Variants in RSAD1 observed in about 807,000 individuals in gnomAD.
The protein encoded by RSAD1 is radical S-adenosyl methionine domain-containing protein 1, mitochondrial.
RSAD1 carries 34 observed loss-of-function variants against 46.2 expected under a neutral mutation model. The observed-to-expected ratio is 0.74, with a 90% CI of 0.56 to 0.98. The LOEUF is 0.98. Among genes scored for constraint, RSAD1 ranks in the 50% least tolerant of loss-of-function variants. The probability of loss-of-function intolerance (pLI) is 0.00; values close to 1 mark genes in which losing one functional copy is unlikely to be tolerated. For synonymous variants in RSAD1, 260 were observed against 253.5 expected, an observed-to-expected ratio of 1.03 and a Z score of -0.24; for missense variants, 635 against 592.3, an observed-to-expected ratio of 1.07 and a Z score of -0.75.
chr17:50,480,910 G>GT (rs1241435891), intron 3 of RSAD1, among the ~76,000 whole-genome samples: 4 of 152,074 alleles, frequency 2.6e-5, no homozygotes, highest in Middle Eastern at 3.5e-3. Context: ...AATTATTGTG[G>GT]TAAGAACAGA....
chr17:50,484,673 C>G, intron 8 of RSAD1, 71 bp from the exon 9 acceptor site: 3 of 1,533,402 alleles, frequency 2.0e-6, no homozygotes, highest in Non-Finnish European at 2.7e-6. Context: ...GCTGGGAGCT[C>G]GGCCCTGCTG....
At chr17:50,479,584 T>C in intron 1 of RSAD1, 45 bp from the exon 2 acceptor site, 1 of 1,610,676 alleles carries the variant, frequency 6.2e-7, no homozygotes. Flanking sequence ...ACCCTGGAAG[T>C]GGCCAGGGCA....
chr17:50,479,803 TGGA>T, intron 2 of RSAD1, 41 bp downstream of exon 2: 4 of 1,590,084 alleles, frequency 2.5e-6, no homozygotes, highest in Non-Finnish European at 3.4e-6. Context: ...GGGAAATATT[TGGA>T]GGAGTGGTGG....
intron 7 of RSAD1, chr17:50,484,076 A>C (rs1048573954): frequency 2.2e-6 from 1 of 453,684 alleles, no homozygotes; most frequent in Non-Finnish European, 3.9e-6. Context: ...AAGGGTTTCC[A>C]CTTGTTTTTA....
chr17:50,479,861 C>G lies in RSAD1; in HGVS notation c.270-19C>G. 6.2e-7 allele frequency: 1 copy of G among 1,605,338 alleles called. No homozygotes were observed. Among genetic ancestry groups the G allele is most frequent in the Non-Finnish European group, 8.5e-7 (1 of 1,174,592 alleles). ...CAGAGGGCTCCCCCAGGTCTCATTT[C>G]TCCATTCTCTTTCCCCAGGGTGGAG... On this transcript the variant is annotated intron_variant, in intron 2 of 8. Transcript: ENST00000258955.
intron 3 of RSAD1, 133 bp from the exon 4 acceptor site, chr17:50,481,958 T>C (rs2143834001): frequency 9.1e-7 from 1 of 1,095,144 alleles, no homozygotes; most frequent in East Asian, 2.8e-5. Flanking sequence ...GGTGCCAGCT[T>C]GACCTTCCCC....
At chr17:50,479,396 T>G (rs74857031) in intron 1 of RSAD1, 189,536 of 534,742 alleles carry the variant, frequency 0.35, 36,350 homozygotes, top group Middle Eastern at 0.41. Context: ...CTTCCTGACG[T>G]CTGCTGGTTG....
At chr17:50,481,739 G>A (rs1203807293) in intron 3 of RSAD1, among the ~76,000 whole-genome samples, 1 of 152,150 alleles carries the variant, frequency 6.6e-6, no homozygotes, top group African/African-American at 2.4e-5. Flanking sequence ...GAAAAGTAAA[G>A]TAAATAAAGA....
intron 3 of RSAD1, 25 bp from the exon 4 acceptor site, chr17:50,482,066 G>A: frequency 6.6e-7 from 1 of 1,519,256 alleles, no homozygotes. Context: ...CTGCTGGTAT[G>A]CTTACACCCA....
At chr17:50,479,533 G>C in intron 1 of RSAD1, 96 bp from the exon 2 acceptor site, 1 of 1,520,414 alleles carries the variant, frequency 6.6e-7, no homozygotes, top group Non-Finnish European at 8.9e-7. Context: ...GAAAGACCTC[G>C]GGATAGGGGT....
Position 50,478,867 on chromosome 17 carries a change from C to CGCACT in RSAD1, c.-16_-15insACTGC. The CGCACT allele has an allele frequency of 7.9e-7, 1 of 1,264,638 alleles. No individual in the cohort carries two copies. Among genetic ancestry groups the CGCACT allele is most frequent in the Non-Finnish European group, 9.9e-7 (1 of 1,007,908 alleles). The allele number at this position is 1,264,638 out of a possible 1,614,324, so 78.3% of individuals were successfully genotyped here. A position where few individuals can be genotyped will look rare whatever the true frequency, so the allele number is the denominator to read the frequency against. On this transcript the variant is annotated 5_prime_UTR_variant, in exon 1 of 9. Coordinates refer to ENST00000258955, the MANE Select transcript of RSAD1 (RefSeq NM_018346.3). ...GCGTCTCCTGCTCGGGTCAGTGCGC[C>CGCACT]GCGCTGCGCTGGGCGCCATGGCGCT...
In RSAD1 at chr17:50,479,664, C is replaced by G; in HGVS notation, c.171C>G (p.Asn57Lys). The G allele has an allele frequency of 6.2e-7, 1 of 1,613,996 alleles. No homozygotes were observed. The highest frequency in any genetic ancestry group is 8.5e-7 in the Non-Finnish European group (1 of 1,180,048). Residue 57 changes from asparagine to lysine, a missense_variant, in exon 2 of 9, where the codon AAC (asparagine) becomes AAG (lysine). Physicochemically the swap from Asn to Lys is moderately conservative, Grantham distance 94 (BLOSUM62 0). Transcript: ENST00000258955. Reference protein sequence around the residue: ...PYCEKRCSYCNFNKYIPRRLE... With the variant: ...PYCEKRCSYCKFNKYIPRRLE... ...GCGAGAAGCGCTGCAGTTACTGCAACTTCAACAAGTACATCCCTCGCCGCC... is the reference window on the plus strand; with the variant it reads ...GCGAGAAGCGCTGCAGTTACTGCAAGTTCAACAAGTACATCCCTCGCCGCC...
chr17:50,480,516 G>A (rs921074913), intron 3 of RSAD1: 5 of 200,434 alleles, frequency 2.5e-5, no homozygotes, highest in Non-Finnish European at 5.2e-5. Flanking sequence ...TGAATGAAGA[G>A]GAAGAGTTCA....
chr17:50,480,937 G>A (rs930982599), intron 3 of RSAD1, among the ~76,000 whole-genome samples: 17 of 152,212 alleles, frequency 1.1e-4, no homozygotes, highest in Admixed American at 5.9e-4. Flanking sequence ...GAGATCTACC[G>A]TCTTAACAAG....
intron 8 of RSAD1, 32 bp downstream of exon 8, chr17:50,484,577 G>C (rs1427370158): frequency 6.2e-7 from 1 of 1,601,700 alleles, no homozygotes; most frequent in Admixed American, 1.7e-5. Context: ...AGAGGGGGCT[G>C]AGGCATACCA....
chr17:50,479,928 C>T lies in RSAD1; in HGVS notation c.318C>T (p.Pro106=). 1.9e-6 allele frequency: 3 copies of T among 1,614,208 alleles called. No individual in the cohort carries two copies. Among genetic ancestry groups the T allele is most frequent in the Non-Finnish European group, 2.5e-6 (3 of 1,180,040 alleles). ...GGGGGACCCCCAGTCTAGCCAGTCC[C>T]CACACGGTGGCTGCTGTCCTGGAGG... ...FGGGTPSLAS[P]HTVAAVLEAV... is the part of the protein sequence containing the mutation. Residue 106 remains proline (P), a synonymous_variant, in exon 3 of 9, where the codon CCC becomes CCT. Coordinates refer to ENST00000258955, the MANE Select transcript of RSAD1 (RefSeq NM_018346.3).
rs1005436745 is a variant in RSAD1, at chr17:50,480,460, G to A, written c.474+376G>A. 2.5e-5 allele frequency: 6 copies of A among 236,838 alleles called. No individual in the cohort carries two copies. The Admixed American group carries it at 2.6e-4, about 10-fold the overall frequency. 14.7% of individuals were successfully genotyped at this position (236,838 alleles called of 1,614,324 possible). A position where few individuals can be genotyped will look rare whatever the true frequency, so the allele number is the denominator to read the frequency against. ...AGGCTTCTAGAGTACAGCCTGAAGGGAGGTCACTCTGATGAAATCACTGAA... is the reference window on the plus strand; with the variant it reads ...AGGCTTCTAGAGTACAGCCTGAAGGAAGGTCACTCTGATGAAATCACTGAA... On this transcript the variant is annotated intron_variant, in intron 3 of 8. Coordinates refer to ENST00000258955, the MANE Select transcript of RSAD1 (RefSeq NM_018346.3).
chr17:50,480,233 C>G lies in RSAD1; in HGVS notation c.474+149C>G, dbSNP rs1367327241. 6 of 723,900 alleles carry G rather than the reference C, an allele frequency of 8.3e-6. No homozygotes were observed. The East Asian group carries it at 1.4e-4, about 16-fold the overall frequency. The allele number at this position is 723,900 out of a possible 1,614,324, so 44.8% of individuals were successfully genotyped here. On this transcript the variant is annotated intron_variant, in intron 3 of 8. Transcript: ENST00000258955. ...GGCCTAGTGCGACACTTTTATAACTCCTTAATTGTCTGCTGCTGTCATAGA... is the reference window on the plus strand; with the variant it reads ...GGCCTAGTGCGACACTTTTATAACTGCTTAATTGTCTGCTGCTGTCATAGA...
intron 1 of RSAD1, 181 bp from the exon 2 acceptor site, chr17:50,479,448 C>T (rs2033351320): frequency 7.6e-6 from 5 of 654,596 alleles, no homozygotes; most frequent in East Asian, 3.0e-5. Flanking sequence ...AGTTTTCTCA[C>T]ATTGAAGTGG....
Sources: allele counts gnomAD v4.1 joint callset (sites outside exome capture counted in the v4.1 genomes callset), GRCh38; gene constraint gnomAD v4.1.1; transcripts MANE v1.5; gene names NCBI Gene and HGNC (gene_info 2026-07-23, HGNC 2026-07-21).